The following GNAQ variants were observed in gnomAD, a reference collection of about 807,000 sequenced individuals.
GNAQ encodes the protein guanine nucleotide-binding protein G(q) subunit alpha.
GNAQ carries 8 observed loss-of-function variants against 43.9 expected under a neutral mutation model. The observed-to-expected ratio is 0.18, with a 90% CI of 0.11 to 0.33. The LOEUF (loss-of-function observed/expected upper bound fraction) is 0.33. Ranked by LOEUF, GNAQ falls within the 10% of genes least tolerant of loss-of-function variation. The pLI is 1.00. For synonymous variants in GNAQ, 155 were observed against 170.7 expected, an observed-to-expected ratio of 0.91 and a Z score of 0.71; for missense variants, 158 against 450.8, an observed-to-expected ratio of 0.35 and a Z score of 5.88.
chr9:77,821,076 A>G (rs1212390354), intron 2 of GNAQ, among the ~76,000 whole-genome samples: 1 of 152,232 alleles, frequency 6.6e-6, no homozygotes, highest in Admixed American at 6.5e-5. Flanking sequence ...CTAGATTACA[A>G]TGTTAGAGAA....
At chr9:77,763,259 T>G (rs1393377677) in intron 5 of GNAQ, among the ~76,000 whole-genome samples, 1 of 152,080 alleles carries the variant, frequency 6.6e-6, no homozygotes. Context: ...AGTATTAAGG[T>G]AACCCATGAA....
intron 1 of GNAQ, among the ~76,000 whole-genome samples, chr9:78,003,773 G>A (rs891441530): frequency 6.7e-6 from 1 of 149,550 alleles, no homozygotes; most frequent in Non-Finnish European, 1.5e-5. Flanking sequence ...CCTAGATAGC[G>A]TCATTGCACT....
chr9:77,970,000 C>T (rs1421709399), intron 1 of GNAQ, among the ~76,000 whole-genome samples: 4 of 152,108 alleles, frequency 2.6e-5, no homozygotes, highest in Non-Finnish European at 5.9e-5. Flanking sequence ...GGGCAGATCA[C>T]CTGAGGTCAG....
In GNAQ at chr9:77,739,024, A is replaced by G. The variant is rs559905435; in HGVS notation, c.736-10357T>C. Among the ~76,000 whole-genome samples the G allele has an allele frequency of 4.6e-5, 7 of 152,326 alleles. No individual in the cohort carries two copies. The South Asian group carries it at 1.2e-3, about 27-fold the overall frequency. On this transcript the variant is annotated intron_variant, in intron 5 of 6. Coordinates refer to ENST00000286548, the MANE Select transcript of GNAQ (RefSeq NM_002072.5). ...TTTCATGGTTGAAATTTTCTATGTAACAGCCTATGAAAGCATATTGCAAAT... is the reference window on the plus strand; with the variant it reads ...TTTCATGGTTGAAATTTTCTATGTAGCAGCCTATGAAAGCATATTGCAAAT...
chr9:77,953,836 C>T (rs905118420), intron 1 of GNAQ, among the ~76,000 whole-genome samples: 4 of 152,184 alleles, frequency 2.6e-5, no homozygotes, highest in Admixed American at 6.5e-5. Flanking sequence ...ACAAAGAACT[C>T]TGCACAGGTG....
intron 5 of GNAQ, among the ~76,000 whole-genome samples, chr9:77,783,138 G>A (rs1826421929): frequency 6.6e-6 from 1 of 152,138 alleles, no homozygotes; most frequent in Non-Finnish European, 1.5e-5. Flanking sequence ...ATGTAAACTG[G>A]GTGATAATGA....
chr9:77,903,809 G>T (rs1426669403), intron 2 of GNAQ, among the ~76,000 whole-genome samples: 1 of 151,980 alleles, frequency 6.6e-6, no homozygotes, highest in Non-Finnish European at 1.5e-5. Flanking sequence ...AAAGTGAACT[G>T]CCAGTTTTCT....
intron 1 of GNAQ, among the ~76,000 whole-genome samples, chr9:77,935,596 C>T (rs556479853): frequency 6.6e-6 from 1 of 152,274 alleles, no homozygotes; most frequent in African/African-American, 2.4e-5. Flanking sequence ...CAAAGCAGTC[C>T]AAAGATGCTT....
intron 5 of GNAQ, among the ~76,000 whole-genome samples, chr9:77,761,690 A>G (rs1315054689): frequency 1.4e-3 from 31 of 21,878 alleles, no homozygotes; most frequent in African/African-American, 3.4e-3. Flanking sequence ...TCAGCCCCCC[A>G]CCCGGCCAGC....
At chr9:77,775,689 C>T (rs890807932) in intron 5 of GNAQ, among the ~76,000 whole-genome samples, 38 of 152,128 alleles carry the variant, frequency 2.5e-4, no homozygotes, top group African/African-American at 7.5e-4. Context: ...TGAGCCACCA[C>T]GCCCAGCCTC....
chr9:77,940,783 C>G (rs577840191), intron 1 of GNAQ, among the ~76,000 whole-genome samples: 2 of 151,762 alleles, frequency 1.3e-5, no homozygotes, highest in African/African-American at 4.8e-5. Flanking sequence ...CTGGCTAACA[C>G]GGTGAAACCC....
intron 2 of GNAQ, among the ~76,000 whole-genome samples, chr9:77,909,981 G>T (rs1371265733): frequency 6.6e-6 from 1 of 152,056 alleles, no homozygotes; most frequent in Non-Finnish European, 1.5e-5. Context: ...TTGTACTAAT[G>T]AAAATCATGA....
At chr9:77,992,530 A>G (rs1823520881) in intron 1 of GNAQ, among the ~76,000 whole-genome samples, 1 of 150,688 alleles carries the variant, frequency 6.6e-6, no homozygotes, top group Admixed American at 6.6e-5. Flanking sequence ...CCAAAAGTAT[A>G]AAAAAAAAAT....
chr9:77,889,391 ACAAAGC>A (rs1828363253), intron 2 of GNAQ, among the ~76,000 whole-genome samples: 1 of 123,984 alleles, frequency 8.1e-6, no homozygotes, highest in Non-Finnish European at 1.6e-5. Context: ...AGCCTGGGCG[ACAAAGC>A]CAGACCCTGT....
At chr9:77,802,514 G>A (rs903932043) in intron 3 of GNAQ, among the ~76,000 whole-genome samples, 3 of 151,860 alleles carry the variant, frequency 2.0e-5, no homozygotes, top group Non-Finnish European at 4.4e-5. Context: ...GAATATGAGG[G>A]ACAGGTTCAT....
intron 2 of GNAQ, among the ~76,000 whole-genome samples, chr9:77,908,868 T>C (rs912699283): frequency 6.6e-6 from 1 of 152,140 alleles, no homozygotes; most frequent in African/African-American, 2.4e-5. Flanking sequence ...AATACAAATA[T>C]GCATTTTAAT....
chr9:78,011,518 A>G (rs1823772503), intron 1 of GNAQ, among the ~76,000 whole-genome samples: 1 of 152,260 alleles, frequency 6.6e-6, no homozygotes, highest in Non-Finnish European at 1.5e-5. Flanking sequence ...CTATATCAAG[A>G]AAATGTAACA....
chr9:77,799,151 T>C (rs1012176997), intron 3 of GNAQ, among the ~76,000 whole-genome samples: 3 of 152,324 alleles, frequency 2.0e-5, no homozygotes, highest in East Asian at 1.9e-4. Context: ...GTGTTCTCCT[T>C]TGTCCTGGAA....
intron 1 of GNAQ, among the ~76,000 whole-genome samples, chr9:78,025,933 C>T (rs1037960300): frequency 2.0e-5 from 3 of 152,118 alleles, no homozygotes; most frequent in South Asian, 2.1e-4. Flanking sequence ...TAGCATAGCA[C>T]GCAGCCTCAC....
Sources: allele counts gnomAD v4.1 joint callset (sites outside exome capture counted in the v4.1 genomes callset), GRCh38; gene constraint gnomAD v4.1.1; transcripts MANE v1.5; gene names NCBI Gene and HGNC (gene_info 2026-07-23, HGNC 2026-07-21).